RTN4IP1: variants seen among roughly 807,000 people sequenced by gnomAD.
RTN4IP1 encodes NAD(P)H oxidoreductase RTN4IP1, mitochondrial.
RTN4IP1 carries 32 observed loss-of-function variants against 46.6 expected under a neutral mutation model. The observed-to-expected ratio is 0.69, with a 90% CI of 0.52 to 0.92. The LOEUF (loss-of-function observed/expected upper bound fraction) is 0.92. Ranked by LOEUF, RTN4IP1 falls within the 40% of genes least tolerant of loss-of-function variation. RTN4IP1 has a pLI of 0.00. For synonymous variants in RTN4IP1, 167 were observed against 161.8 expected (o/e 1.03, Z -0.24); for missense variants, 424 against 485.8 (o/e 0.87, Z 1.20).
intron 6 of RTN4IP1, among the ~76,000 whole-genome samples, chr6:106,589,171 T>C (rs1485714393): frequency 8.1e-4 from 10 of 12,410 alleles, no homozygotes; most frequent in African/African-American, 2.9e-3. Flanking sequence ...GAGGAGGCGG[T>C]GGAGGAGGAG....
rs1463113803 is a variant in RTN4IP1, at chr6:106,619,279, CAA to C, written c.541_542del (p.Leu181AlafsTer19). 1 of 1,614,170 alleles carries C rather than the reference CAA, an allele frequency of 6.2e-7. No individual in the cohort carries two copies. Among genetic ancestry groups the C allele is most frequent in the East Asian group, 2.2e-5 (1 of 44,884 alleles). On this transcript the variant is annotated frameshift_variant, in exon 4 of 9. Coordinates refer to ENST00000369063, the MANE Select transcript of RTN4IP1 (RefSeq NM_032730.5). LOFTEE classifies it high-confidence loss of function. The stretch of plus-strand genomic sequence containing the variant: ...ACCAGGCTGTGAGAGCCACATATGG[CAA>C]AGAGGCAGCTTGAGTATGAGTGAGT... ...KSLTHTQAAS[L>X]PYVALTAWSA...
chr6:106,621,356 A>C (rs1776481244), intron 3 of RTN4IP1, 69 bp downstream of exon 3: 1 of 1,148,378 alleles, frequency 8.7e-7, no homozygotes, highest in Admixed American at 1.7e-5. Flanking sequence ...GAAAAACACC[A>C]GTTATTTCAG....
chr6:106,575,290 C>G (rs549476277), intron 8 of RTN4IP1, among the ~76,000 whole-genome samples: 1 of 152,204 alleles, frequency 6.6e-6, no homozygotes, highest in Admixed American at 6.5e-5. Context: ...CGGCCAGGGA[C>G]GCTCACAGCA....
intron 7 of RTN4IP1, among the ~76,000 whole-genome samples, chr6:106,586,382 G>T (rs1373457600): frequency 6.8e-6 from 1 of 147,840 alleles, no homozygotes; most frequent in Non-Finnish European, 1.5e-5. Context: ...AATAGAATTT[G>T]TTTTTTTTTT....
chr6:106,602,999 G>T, intron 4 of RTN4IP1, 77 bp from the exon 5 acceptor site: 3 of 943,826 alleles, frequency 3.2e-6, no homozygotes, highest in Non-Finnish European at 3.2e-6. Flanking sequence ...ACAAATAACT[G>T]GTTGATGATA....
At chr6:106,607,183 A>G (rs1193050768) in intron 4 of RTN4IP1, among the ~76,000 whole-genome samples, 1 of 152,226 alleles carries the variant, frequency 6.6e-6, no homozygotes, top group Non-Finnish European at 1.5e-5. Context: ...GGTGCTGGGA[A>G]AATTGGATAT....
intron 4 of RTN4IP1, among the ~76,000 whole-genome samples, chr6:106,613,598 G>A (rs1287993706): frequency 6.6e-6 from 1 of 152,162 alleles, no homozygotes; most frequent in East Asian, 1.9e-4. Flanking sequence ...CTTGAAATCT[G>A]TAAACCAAAA....
intron 8 of RTN4IP1, among the ~76,000 whole-genome samples, chr6:106,582,534 A>C (rs1466413702): frequency 6.6e-6 from 1 of 152,166 alleles, no homozygotes; most frequent in Non-Finnish European, 1.5e-5. Flanking sequence ...CACCTGTAAA[A>C]TGAGAATCAC....
At chr6:106,601,287 A>T (rs763597668) in intron 5 of RTN4IP1, among the ~76,000 whole-genome samples, 1 of 152,176 alleles carries the variant, frequency 6.6e-6, no homozygotes, top group Non-Finnish European at 1.5e-5. Flanking sequence ...GTTGAGTTAT[A>T]AGAGTTCTTT....
chr6:106,578,738 G>C (rs13208921), intron 8 of RTN4IP1, among the ~76,000 whole-genome samples: 1 of 152,184 alleles, frequency 6.6e-6, no homozygotes, highest in South Asian at 2.1e-4. Context: ...TTCACCAGCA[G>C]AGCAGCTCCT....
intron 5 of RTN4IP1, among the ~76,000 whole-genome samples, chr6:106,596,799 G>A (rs150335457): frequency 6.6e-6 from 1 of 152,120 alleles, no homozygotes; most frequent in African/African-American, 2.4e-5. Context: ...TATTCCCCAC[G>A]TTCTTCATGT....
chr6:106,619,239 C>G lies in RTN4IP1; in HGVS notation c.583G>C (p.Val195Leu), dbSNP rs779677217. 1.2e-6 allele frequency: 2 copies of G among 1,614,192 alleles called. No individual in the cohort carries two copies. The highest frequency in any genetic ancestry group is 1.7e-6 in the Non-Finnish European group (2 of 1,180,028). Residue 195 changes from valine (V) to leucine (L), a missense_variant, in exon 4 of 9, where the codon GTT (valine) becomes CTT (leucine). Val to Leu is a conservative substitution (Grantham distance 32). Transcript: ENST00000369063. ...ALTAWSAINKVGGLNDKNCTG... is the reference protein window; with the variant it reads ...ALTAWSAINKLGGLNDKNCTG... ...CAATTCTTGTCATTCAGGCCACCAA[C>G]TTTGTTTATAGCAGACCAGGCTGTG...
chr6:106,578,291 C>T (rs924184814), intron 8 of RTN4IP1, among the ~76,000 whole-genome samples: 5 of 152,212 alleles, frequency 3.3e-5, no homozygotes, highest in Admixed American at 6.5e-5. Context: ...TGACCTTGAA[C>T]ACATCATTTA....
intron 5 of RTN4IP1, among the ~76,000 whole-genome samples, chr6:106,597,777 T>G (rs989210613): frequency 3.3e-5 from 5 of 151,852 alleles, no homozygotes; most frequent in African/African-American, 9.7e-5. Context: ...CATGTGCCAT[T>G]CTGGTGCGCT....
At chr6:106,593,418 G>T (rs138606538) in intron 5 of RTN4IP1, among the ~76,000 whole-genome samples, 1 of 151,976 alleles carries the variant, frequency 6.6e-6, no homozygotes, top group Non-Finnish European at 1.5e-5. Context: ...CTTAAAAGGG[G>T]GCTATTTTCA....
At chr6:106,623,793 A>T (rs1487130373) in intron 1 of RTN4IP1, among the ~76,000 whole-genome samples, 2 of 152,222 alleles carry the variant, frequency 1.3e-5, no homozygotes, top group Non-Finnish European at 2.9e-5. Context: ...TAACGTACTC[A>T]TTCACAAACT....
rs2114611335 is a variant in RTN4IP1 at position 106,571,334 on chromosome 6, A to G, written c.*662T>C. The stretch of plus-strand genomic sequence containing the variant: ...AGAAAGCTGCTCAGTGATGAATTCA[A>G]GAAGGAACCAGCTTTAAATTATCTC... On this transcript the variant is annotated 3_prime_UTR_variant, in exon 9 of 9. Transcript: ENST00000369063. 6.6e-6 allele frequency: 1 copy of G among 152,372 alleles called. No homozygotes were observed. Among genetic ancestry groups the G allele is most frequent in the South Asian group, 2.1e-4 (1 of 4,828 alleles). The allele number at this position is 152,372 out of a possible 1,614,324, so 9.4% of individuals were successfully genotyped here. A position where few individuals can be genotyped will look rare whatever the true frequency, so the allele number is the denominator to read the frequency against.
chr6:106,617,643 C>A (rs1229065140), intron 4 of RTN4IP1, among the ~76,000 whole-genome samples: 1 of 152,134 alleles, frequency 6.6e-6, no homozygotes, highest in African/African-American at 2.4e-5. Flanking sequence ...ACAAAGCCAA[C>A]AACAAACTGA....
At chr6:106,622,104 AAC>A (rs141641725) in intron 2 of RTN4IP1, among the ~76,000 whole-genome samples, 7,670 of 152,340 alleles carry the variant, frequency 0.05, 246 homozygotes, top group Middle Eastern at 0.082. Flanking sequence ...AAACTTAGAA[AAC>A]ACAAACTCAG....
Sources: allele counts gnomAD v4.1 joint callset (sites outside exome capture counted in the v4.1 genomes callset), GRCh38; gene constraint gnomAD v4.1.1; transcripts MANE v1.5; gene names NCBI Gene and HGNC (gene_info 2026-07-23, HGNC 2026-07-21).